Variants in SHOC2 observed in about 807,000 individuals in gnomAD.
SHOC2 encodes the protein leucine-rich repeat protein SHOC-2.
SHOC2 carries 4 observed loss-of-function variants against 50.2 expected under a neutral mutation model. That is an observed-to-expected ratio of 0.08 (90% CI 0.04 to 0.18). SHOC2 has a LOEUF of 0.18. Ranked by LOEUF, SHOC2 falls within the 10% of genes least tolerant of loss-of-function variation. SHOC2 has a pLI of 1.00. For missense variants in SHOC2, 388 were observed against 669.6 expected (o/e 0.58, Z 4.64); for synonymous variants, 218 against 244.5 (o/e 0.89, Z 1.01).
At chr10:111,011,566 T>C (rs1179156791) in intron 8 of SHOC2, 44 bp from the exon 9 acceptor site, 2 of 1,412,512 alleles carry the variant, frequency 1.4e-6, no homozygotes, top group South Asian at 1.2e-5. Flanking sequence ...ACTTTTAAAA[T>C]AGCAACTAAT....
intron 5 of SHOC2, among the ~76,000 whole-genome samples, chr10:111,007,278 G>C (rs556909882): frequency 6.6e-6 from 1 of 152,064 alleles, no homozygotes; most frequent in African/African-American, 2.4e-5. Flanking sequence ...TGTATACTGT[G>C]TTTTTCTATT....
intron 3 of SHOC2, among the ~76,000 whole-genome samples, chr10:110,986,987 C>T (rs1394723947): frequency 6.6e-6 from 1 of 152,120 alleles, no homozygotes; most frequent in African/African-American, 2.4e-5. Flanking sequence ...ATTTTATTTC[C>T]AGTTCACCCT....
intron 4 of SHOC2, among the ~76,000 whole-genome samples, chr10:111,002,083 T>C (rs1239318213): frequency 6.6e-6 from 1 of 151,936 alleles, no homozygotes; most frequent in Non-Finnish European, 1.5e-5. Flanking sequence ...TAAATGGATA[T>C]ATATCCAGTC....
At chr10:110,989,142 A>G (rs1848135122) in intron 3 of SHOC2, 2 of 449,598 alleles carry the variant, frequency 4.4e-6, no homozygotes, top group African/African-American at 2.1e-5. Flanking sequence ...AAAGTATTCC[A>G]TGTGCAGTTT....
chr10:110,972,331 G>A (rs946054899), intron 2 of SHOC2, among the ~76,000 whole-genome samples: 5 of 151,960 alleles, frequency 3.3e-5, no homozygotes, highest in African/African-American at 4.8e-5. Flanking sequence ...TGCTTATATG[G>A]TCCAGGTAAC....
intron 2 of SHOC2, among the ~76,000 whole-genome samples, chr10:110,981,496 T>C (rs1417015764): frequency 2.0e-5 from 3 of 152,240 alleles, no homozygotes; most frequent in Admixed American, 1.3e-4. Context: ...ATCTTCACTT[T>C]GTTCAGCCTT....
chr10:110,993,399 C>A (rs1481732800), intron 3 of SHOC2, among the ~76,000 whole-genome samples: 1 of 152,096 alleles, frequency 6.6e-6, no homozygotes, highest in Admixed American at 6.6e-5. Context: ...ATTTTTTTAA[C>A]CTTTTTTATT....
chr10:111,007,461 G>A (rs1348889444), intron 5 of SHOC2, 70 bp from the exon 6 acceptor site: 24 of 1,519,538 alleles, frequency 1.6e-5, no homozygotes, highest in African/African-American at 1.1e-4. Flanking sequence ...TTCTCTTTCC[G>A]AAGTGACAGG....
At chr10:110,987,484 A>C (rs537503106) in intron 3 of SHOC2, among the ~76,000 whole-genome samples, 139 of 152,298 alleles carry the variant, frequency 9.1e-4, no homozygotes, top group African/African-American at 3.2e-3. Context: ...TAGTGGAAAG[A>C]GATTACATAT....
intron 4 of SHOC2, among the ~76,000 whole-genome samples, chr10:111,002,504 A>G (rs1848396730): frequency 6.6e-6 from 1 of 152,202 alleles, no homozygotes; most frequent in Non-Finnish European, 1.5e-5. Context: ...AGGAACTAAT[A>G]ATTTGAACCA....
intron 1 of SHOC2, among the ~76,000 whole-genome samples, chr10:110,961,835 T>A (rs1847578073): frequency 6.6e-6 from 1 of 152,130 alleles, no homozygotes; most frequent in Admixed American, 6.5e-5. Flanking sequence ...ACCCATTACC[T>A]TCAACCTTCA....
intron 2 of SHOC2, among the ~76,000 whole-genome samples, chr10:110,977,408 G>A (rs573570534): frequency 3.9e-5 from 6 of 152,136 alleles, no homozygotes; most frequent in African/African-American, 1.4e-4. Flanking sequence ...ACCACACCCG[G>A]CTAATTTTGT....
chr10:110,960,119 C>G (rs1452983577), intron 1 of SHOC2, among the ~76,000 whole-genome samples: 1 of 152,186 alleles, frequency 6.6e-6, no homozygotes, highest in Non-Finnish European at 1.5e-5. Flanking sequence ...GATTTAAAAC[C>G]TGACACTGAC....
At chr10:110,928,963 A>C (rs775523106) in intron 1 of SHOC2, among the ~76,000 whole-genome samples, 2 of 152,028 alleles carry the variant, frequency 1.3e-5, no homozygotes, top group East Asian at 3.9e-4. Context: ...ATATGAAAAA[A>C]CTTTCCTGGC....
chr10:110,951,233 C>T (rs1847345244), intron 1 of SHOC2, among the ~76,000 whole-genome samples: 1 of 152,132 alleles, frequency 6.6e-6, no homozygotes, highest in Non-Finnish European at 1.5e-5. Flanking sequence ...CATTGATGGT[C>T]TTCAAAAGAC....
chr10:110,966,694 A>G (rs73343899), intron 2 of SHOC2, among the ~76,000 whole-genome samples: 2,761 of 151,288 alleles, frequency 0.018, 92 homozygotes, highest in African/African-American at 0.062. Context: ...AAATTGGCAT[A>G]TTTTAAGTAA....
At chr10:110,962,494 TAATA>T (rs1371842801) in intron 1 of SHOC2, among the ~76,000 whole-genome samples, 3 of 152,178 alleles carry the variant, frequency 2.0e-5, no homozygotes, top group Non-Finnish European at 2.9e-5. Flanking sequence ...GGTTGAATAG[TAATA>T]GATAGAGCTC....
At chr10:110,987,926 A>G (rs1194825575) in intron 3 of SHOC2, among the ~76,000 whole-genome samples, 7 of 152,142 alleles carry the variant, frequency 4.6e-5, no homozygotes, top group Non-Finnish European at 1.0e-4. Flanking sequence ...GTCCCCTAGA[A>G]TCTAGATCAA....
At chr10:110,933,142 T>C (rs997778517) in intron 1 of SHOC2, among the ~76,000 whole-genome samples, 1 of 152,150 alleles carries the variant, frequency 6.6e-6, no homozygotes, top group South Asian at 2.1e-4. Context: ...TAGGTAAAGT[T>C]TTAATTGGCT....
Sources: allele counts gnomAD v4.1 joint callset (sites outside exome capture counted in the v4.1 genomes callset), GRCh38; gene constraint gnomAD v4.1.1; transcripts MANE v1.5; gene names NCBI Gene and HGNC (gene_info 2026-07-23, HGNC 2026-07-21).